CCR6: variants seen among roughly 807,000 people sequenced by gnomAD.
The protein encoded by CCR6 is C-C motif chemokine receptor 6.
Under a neutral mutation model 3.0 loss-of-function variants are expected in CCR6, and 2 were observed. That is an observed-to-expected ratio of 0.66 (90% CI 0.27 to 2.07). The LOEUF (loss-of-function observed/expected upper bound fraction) is 2.07. Ranked by LOEUF, CCR6 falls within the 30% of genes most tolerant of loss-of-function variation. The probability of loss-of-function intolerance (pLI) is 0.14; values close to 1 mark genes in which losing one functional copy is unlikely to be tolerated. For synonymous variants in CCR6, 193 were observed against 184.3 expected (o/e 1.05, Z -0.38); for missense variants, 322 against 462.8 (o/e 0.70, Z 2.79).
intron 1 of CCR6, among the ~76,000 whole-genome samples, chr6:167,128,816 C>T (rs754301943): frequency 9.9e-5 from 15 of 152,142 alleles, no homozygotes; most frequent in Non-Finnish European, 2.2e-4. Flanking sequence ...TCAAGTGATC[C>T]GCCTGCCTTG....
intron 1 of CCR6, among the ~76,000 whole-genome samples, chr6:167,128,804 C>T (rs905705362): frequency 6.6e-6 from 1 of 152,164 alleles, no homozygotes; most frequent in Non-Finnish European, 1.5e-5. Flanking sequence ...AAACTCCTGA[C>T]CTCAAGTGAT....
At chr6:167,130,227 G>GC in intron 1 of CCR6, among the ~76,000 whole-genome samples, 1 of 151,912 alleles carries the variant, frequency 6.6e-6, no homozygotes, top group East Asian at 1.9e-4. Context: ...GCAGGTGGCT[G>GC]CTTTGCAAGG....
At chr6:167,130,311 TA>T (rs1448456958) in intron 1 of CCR6, among the ~76,000 whole-genome samples, 4 of 151,860 alleles carry the variant, frequency 2.6e-5, no homozygotes, top group Non-Finnish European at 5.9e-5. Flanking sequence ...CTGCCACTCG[TA>T]GATAACAGGG....
In CCR6 at chr6:167,125,531, T is replaced by A. The variant is rs548154718; in HGVS notation, c.-98+2308T>A. 3.9e-5 allele frequency among the ~76,000 whole-genome samples: 6 copies of A among 152,298 alleles called. No homozygotes were observed. In the South Asian group the frequency reaches 1.2e-3, roughly 32 times the overall value. ...TGGCTACCCACCTCTTCTGGGGCCA[T>A]TTGCCTGTGATTAGAGGACTCCCAA... is the stretch of plus-strand genomic sequence containing the variant. On this transcript the variant is annotated intron_variant, in intron 1 of 2. Coordinates refer to ENST00000341935, the MANE Select transcript of CCR6 (RefSeq NM_031409.4).
In CCR6 at chr6:167,136,884, G is replaced by A; in HGVS notation, c.654G>A (p.Glu218=). ...IRWKLLMLGL[E]LLFGFFIPLM... is the part of the protein sequence containing the mutation. ...GGAAGCTGCTGATGTTGGGGCTTGA[G>A]CTACTCTTTGGTTTCTTTATCCCTT... The change falls in exon 3 of 3, where the codon GAG becomes GAA. Residue 218 remains glutamate, a synonymous_variant. Transcript: ENST00000341935. The surrounding 1 kb of genome is among the most constrained non-coding windows in gnomAD (Gnocchi z 4.6). 5 of 1,614,146 alleles carry A rather than the reference G, an allele frequency of 3.1e-6. No homozygotes were observed. Among genetic ancestry groups the A allele is most frequent in the Non-Finnish European group, 4.2e-6 (5 of 1,180,032 alleles).
At chr6:167,126,843 G>A (rs927681462) in intron 1 of CCR6, among the ~76,000 whole-genome samples, 3 of 152,188 alleles carry the variant, frequency 2.0e-5, no homozygotes, top group African/African-American at 2.4e-5. Flanking sequence ...TGGTTTTACA[G>A]GGGGCTTCCC....
intron 1 of CCR6, among the ~76,000 whole-genome samples, chr6:167,116,441 G>A (rs1781494635): frequency 6.6e-6 from 1 of 152,174 alleles, no homozygotes; most frequent in Non-Finnish European, 1.5e-5. Flanking sequence ...GCCTTTCTCT[G>A]AGGCCCTCCT....
rs1781844300 is a variant in CCR6, at chr6:167,136,008, G to GTAGTGCATT, written c.-97-28_-97-20dup. 2 of 961,790 alleles carry GTAGTGCATT rather than the reference G, an allele frequency of 2.1e-6. No individual in the cohort carries two copies. The highest frequency in any genetic ancestry group is 3.2e-6 in the Non-Finnish European group (2 of 623,482). The allele number at this position is 961,790 out of a possible 1,614,324, so 59.6% of individuals were successfully genotyped here. A position where few individuals can be genotyped will look rare whatever the true frequency, so the allele number is the denominator to read the frequency against. On this transcript the variant is annotated intron_variant, in intron 1 of 2. Coordinates refer to ENST00000341935, the MANE Select transcript of CCR6 (RefSeq NM_031409.4). The surrounding 1 kb of genome is among the most constrained non-coding windows in gnomAD (Gnocchi z 4.6). ...CTCTCCAGGAATACCTGTGTTAACT[G>GTAGTGCATT]TAGTGCATTTTGCCTTCTTTCCTTC... is the stretch of plus-strand genomic sequence containing the variant.
At chr6:167,131,040 CT>C (rs1781755801) in intron 1 of CCR6, among the ~76,000 whole-genome samples, 2 of 142,368 alleles carry the variant, frequency 1.4e-5, no homozygotes, top group Middle Eastern at 3.4e-3. Context: ...CTCTGGACCC[CT>C]TCTCTCTGGG....
At position 167,137,496 on chromosome 6, in the gene CCR6, C is replaced by T. The variant is rs1392040975; in HGVS notation, c.*141C>T. The stretch of plus-strand genomic sequence containing the variant: ...CCTCTCTCCTGCGGGACTTAACGTG[C>T]TCATGGGCTGTGTGATCTCTTCAGG... On this transcript the variant is annotated 3_prime_UTR_variant, in exon 3 of 3. Transcript: ENST00000341935. This position sits in a 1 kb window ranked among gnomAD's most constrained non-coding sequence, Gnocchi z 4.6. 4 of 756,504 alleles carry T rather than the reference C, an allele frequency of 5.3e-6. No homozygotes were observed. Among genetic ancestry groups the T allele is most frequent in the Non-Finnish European group, 8.4e-6 (4 of 478,852 alleles). The allele number at this position is 756,504 out of a possible 1,614,324, so 46.9% of individuals were successfully genotyped here.
In CCR6 at chr6:167,136,493, T is replaced by C. The variant is rs1223161071; in HGVS notation, c.263T>C (p.Met88Thr). The C allele has an allele frequency of 1.9e-6, 3 of 1,592,794 alleles. No individual in the cohort carries two copies. Among genetic ancestry groups the C allele is most frequent in the Middle Eastern group, 3.4e-4 (2 of 5,968 alleles). Residue 88 changes from methionine (M) to threonine (T), a missense_variant, in exon 3 of 3, where the codon ATG (methionine) becomes ACG (threonine). Coordinates refer to ENST00000341935, the MANE Select transcript of CCR6 (RefSeq NM_031409.4). This position sits in a 1 kb window ranked among gnomAD's most constrained non-coding sequence, Gnocchi z 4.6. ...ATGACAGACGTCTATCTCTTGAACA[T>C]GGCCATTGCAGACATCCTCTTTGTT... is the stretch of plus-strand genomic sequence containing the variant. ...RSMTDVYLLNMAIADILFVLT... is the reference protein window; with the variant it reads ...RSMTDVYLLNTAIADILFVLT...
upstream of CCR6, among the ~76,000 whole-genome samples, chr6:167,119,801 A>G (rs1330255410): frequency 6.6e-6 from 1 of 152,206 alleles, no homozygotes; most frequent in Non-Finnish European, 1.5e-5. Context: ...TCCAAACCAC[A>G]TAACACAGAT....
chr6:167,122,138 C>T (rs751502680), upstream of CCR6, among the ~76,000 whole-genome samples: 8 of 152,106 alleles, frequency 5.3e-5, no homozygotes, highest in African/African-American at 1.9e-4. The surrounding 1 kb of genome is among the most constrained non-coding windows in gnomAD (Gnocchi z 4.2). Context: ...AGCTGGGCAG[C>T]GGGCAGTGGA....
intron 1 of CCR6, among the ~76,000 whole-genome samples, chr6:167,126,934 C>T (rs1219089939): frequency 6.6e-6 from 1 of 152,186 alleles, no homozygotes; most frequent in Non-Finnish European, 1.5e-5. Flanking sequence ...ACATGATTGT[C>T]AGTTTCCTGA....
At chr6:167,135,221 CCCATAGCCTCA>C (rs1218990967) in intron 1 of CCR6, among the ~76,000 whole-genome samples, 1 of 152,244 alleles carries the variant, frequency 6.6e-6, no homozygotes, top group Non-Finnish European at 1.5e-5. Context: ...CAATCATTGG[CCCATAGCCTCA>C]CCATTCTCCA....
chr6:167,120,558 G>T (rs534606069), upstream of CCR6, among the ~76,000 whole-genome samples: 1 of 152,318 alleles, frequency 6.6e-6, no homozygotes, highest in East Asian at 1.9e-4. Context: ...GCTGTACACA[G>T]TGTCCTCTGT....
At chr6:167,118,871 T>C (rs553973511), upstream of CCR6, among the ~76,000 whole-genome samples, 57 of 152,300 alleles carry the variant, frequency 3.7e-4, 1 homozygote, top group African/African-American at 1.3e-3. Context: ...CAGCCCCACA[T>C]GCTGGACGCC....
Position 167,137,132 on chromosome 6 carries a change from C to G in CCR6, c.902C>G (p.Thr301Arg). 1 of 1,614,176 alleles carries G rather than the reference C, an allele frequency of 6.2e-7. No homozygotes were observed. The highest frequency in any genetic ancestry group is 1.1e-5 in the South Asian group (1 of 91,082). ...EKLIGYTKTV[T>R]EVLAFLHCCL... The stretch of plus-strand genomic sequence containing the variant: ...CTAATTGGCTATACGAAAACTGTCA[C>G]AGAAGTCCTGGCTTTCCTGCACTGC... The change falls in exon 3 of 3, where the codon ACA becomes AGA. Residue 301 changes from threonine (T) to arginine (R), a missense_variant. Coordinates refer to ENST00000341935, the MANE Select transcript of CCR6 (RefSeq NM_031409.4). The surrounding 1 kb of genome is among the most constrained non-coding windows in gnomAD (Gnocchi z 4.6).
At chr6:167,116,718 G>C (rs1661999033) in intron 1 of CCR6, 1 of 152,308 alleles carries the variant, frequency 6.6e-6, no homozygotes, top group Non-Finnish European at 1.5e-5. Flanking sequence ...CCCCCTAGCA[G>C]AGAGGCACCC....
Sources: allele counts gnomAD v4.1 joint callset (sites outside exome capture counted in the v4.1 genomes callset), GRCh38; gene constraint gnomAD v4.1.1; non-coding constraint Gnocchi (gnomAD v3.1); transcripts MANE v1.5; gene names NCBI Gene and HGNC (gene_info 2026-07-23, HGNC 2026-07-21).